Variants in PTCD3 observed in about 807,000 individuals in gnomAD.
The protein encoded by PTCD3 is small ribosomal subunit protein mS39.
PTCD3 carries 89 observed loss-of-function variants against 101.9 expected under a neutral mutation model. The ratio of observed to expected loss-of-function variants is 0.87; its 90% CI spans 0.74 to 1.04. The LOEUF (loss-of-function observed/expected upper bound fraction) is 1.04. Ranked by LOEUF, PTCD3 falls within the 50% of genes least tolerant of loss-of-function variation. The pLI, the probability that PTCD3 is intolerant of heterozygous loss-of-function variation, is 0.00. For missense variants in PTCD3, 870 were observed against 828.2 expected, an observed-to-expected ratio of 1.05 and a Z score of -0.62; for synonymous variants, 296 against 278.5, an observed-to-expected ratio of 1.06 and a Z score of -0.63.
chr2:86,107,073 G>A (rs1047342408), intron 1 of PTCD3: 9 of 469,230 alleles, frequency 1.9e-5, no homozygotes, highest in African/African-American at 1.0e-4. Context: ...AGGTATAAGT[G>A]GGGTATGTAA....
chr2:86,107,395 C>A (rs1673978414), intron 1 of PTCD3, among the ~76,000 whole-genome samples: 1 of 152,152 alleles, frequency 6.6e-6, no homozygotes, highest in Non-Finnish European at 1.5e-5. Flanking sequence ...GAGGGGTATT[C>A]TTGTTTTAAA....
At chr2:86,118,874 C>G (rs750683293) in intron 6 of PTCD3, 47 bp from the exon 7 acceptor site, 8 of 1,583,174 alleles carry the variant, frequency 5.1e-6, no homozygotes, top group Non-Finnish European at 6.0e-6. Flanking sequence ...TTATCCTTCC[C>G]TCACCTTTAC....
At chr2:86,131,138 C>G in intron 16 of PTCD3, 32 bp downstream of exon 16, 1 of 1,540,186 alleles carries the variant, frequency 6.5e-7, no homozygotes. Flanking sequence ...ATTTGCTATC[C>G]ATTTCCTAAA....
chr2:86,111,158 G>C lies in PTCD3; in HGVS notation c.240G>C (p.Arg80Ser). Reference sequence around the variant, plus strand: ...AGGCACTTGCATCCACAGTAAACAGGGTAAGTAGGATTTTGTGTTTTTTTT... The same window carrying C: ...AGGCACTTGCATCCACAGTAAACAGCGTAAGTAGGATTTTGTGTTTTTTTT... The part of the protein sequence containing the change: ...VLQALASTVN[R>S]DTTAVPYVFQ... The change falls in exon 4 of 24, where the codon AGG (arginine) becomes AGC (serine). Residue 80 changes from arginine to serine, a missense_variant and splice_region_variant. Physicochemically the swap from Arg to Ser is moderately radical, Grantham distance 110. Coordinates refer to ENST00000254630, the MANE Select transcript of PTCD3 (RefSeq NM_017952.6). The C allele has an allele frequency of 6.2e-7, 1 of 1,612,312 alleles. No individual in the cohort carries two copies. Among genetic ancestry groups the C allele is most frequent in the South Asian group, 1.1e-5 (1 of 90,792 alleles).
chr2:86,107,296 A>C, intron 1 of PTCD3: 1 of 460,360 alleles, frequency 2.2e-6, no homozygotes, highest in Non-Finnish European at 4.5e-6. Context: ...TCTCTGTTTT[A>C]AGGTCATGAG....
At chr2:86,109,405 T>TG (rs1300124276) in intron 3 of PTCD3, among the ~76,000 whole-genome samples, 1 of 55,060 alleles carries the variant, frequency 1.8e-5, no homozygotes, top group Non-Finnish European at 5.3e-5. Context: ...AGACTCCATC[T>TG]CAAAAAAAAA....
intron 3 of PTCD3, among the ~76,000 whole-genome samples, chr2:86,109,102 A>T (rs57817729): frequency 6.6e-6 from 1 of 151,752 alleles, no homozygotes; most frequent in Non-Finnish European, 1.5e-5. Context: ...TCTTAAAATT[A>T]TGTGACCTAA....
chr2:86,125,243 G>A (rs1350528993), intron 10 of PTCD3, among the ~76,000 whole-genome samples, 161 bp downstream of exon 10: 1 of 152,176 alleles, frequency 6.6e-6, no homozygotes, highest in Admixed American at 6.5e-5. Flanking sequence ...GATGTGAGTA[G>A]TGTACTCCTC....
In PTCD3 at chr2:86,110,589, C is replaced by T. The variant is rs137947780; in HGVS notation, c.195-524C>T. Reference sequence around the variant, plus strand: ...AGCTGGCCTGCAATTCTTACCATAACGTTATATATGGTTGAGAGGTTCTAA... The same window carrying T: ...AGCTGGCCTGCAATTCTTACCATAATGTTATATATGGTTGAGAGGTTCTAA... On this transcript the variant is annotated intron_variant, in intron 3 of 23. Coordinates refer to ENST00000254630, the MANE Select transcript of PTCD3 (RefSeq NM_017952.6). 2.1e-3 allele frequency among the ~76,000 whole-genome samples: 324 copies of T among 152,218 alleles called. 1 individual carries two copies. Among genetic ancestry groups the T allele is most frequent in the African/African-American group, 6.9e-3 (286 of 41,516 alleles).
chr2:86,136,448 G>C, intron 21 of PTCD3, 73 bp from the exon 22 acceptor site: 1 of 1,414,442 alleles, frequency 7.1e-7, no homozygotes, highest in South Asian at 1.2e-5. Context: ...TGATTTCAGA[G>C]AGAAGACAGC....
Position 86,140,919 on chromosome 2 carries a change from AAAACC to A in PTCD3, c.*3364_*3368del, listed in dbSNP as rs1674674127. ...AAACCCATCTCAAAAAAAAAAAAAA[AAAACC>A]AAAAAAACTGTCCAGCTGTGGACTT... On this transcript the variant is annotated 3_prime_UTR_variant, in exon 24 of 24. Coordinates refer to ENST00000254630, the MANE Select transcript of PTCD3 (RefSeq NM_017952.6). 7.1e-6 allele frequency: 1 copy of A among 141,048 alleles called. No homozygotes were observed. The allele number at this position is 141,048 out of a possible 1,614,324, so 8.7% of individuals were successfully genotyped here.
rs1357796635 is a variant in PTCD3 at position 86,132,546 on chromosome 2, A to G, written c.1373+122A>G. 1.3e-5 allele frequency: 8 copies of G among 615,090 alleles called. No homozygotes were observed. The Admixed American group carries it at 1.8e-4, about 14-fold the overall frequency. 38.1% of individuals were successfully genotyped at this position (615,090 alleles called of 1,614,324 possible). A position where few individuals can be genotyped will look rare whatever the true frequency, so the allele number is the denominator to read the frequency against. ...CAACATGCCAATGATCTAATAGGACATGTTAATTGAGCACTTAGGAATTAA... is the reference window on the plus strand; with the variant it reads ...CAACATGCCAATGATCTAATAGGACGTGTTAATTGAGCACTTAGGAATTAA... On this transcript the variant is annotated intron_variant, in intron 17 of 23. Transcript: ENST00000254630.
chr2:86,114,832 A>G (rs577686170), intron 4 of PTCD3, among the ~76,000 whole-genome samples: 1 of 152,328 alleles, frequency 6.6e-6, no homozygotes, highest in South Asian at 2.1e-4. Flanking sequence ...GAAAAGGCTC[A>G]TTGGATAAAG....
chr2:86,136,932 GT>G, intron 22 of PTCD3, 49 bp from the exon 23 acceptor site: 1 of 1,605,100 alleles, frequency 6.2e-7, no homozygotes, highest in Non-Finnish European at 8.5e-7. Context: ...GCCTATAAAT[GT>G]TTTACTGAAG....
At chr2:86,132,596 G>A (rs1674512425) in intron 17 of PTCD3, 172 bp downstream of exon 17, 2 of 375,724 alleles carry the variant, frequency 5.3e-6, no homozygotes, top group Non-Finnish European at 9.6e-6. Context: ...TGCCAGATTT[G>A]AAAGACTAGT....
chr2:86,137,469 G>C lies in PTCD3; in HGVS notation c.1980G>C (p.Lys660Asn), dbSNP rs966711291. ...ATCCTCCATTTTCTTTTCTTAACAG[G>C]GAAGCCCTAAGTAATCTAACTGCAT... is the stretch of plus-strand genomic sequence containing the variant. ...MSDFAINQEQKEALSNLTALT... is the reference protein window; with the variant it reads ...MSDFAINQEQNEALSNLTALT... Residue 660 changes from lysine (K) to asparagine (N), a missense_variant and splice_region_variant, in exon 24 of 24, where the codon AAG (lysine) becomes AAC (asparagine). Transcript: ENST00000254630. 6 of 1,613,126 alleles carry C rather than the reference G, an allele frequency of 3.7e-6. No individual in the cohort carries two copies. The highest frequency in any genetic ancestry group is 5.1e-6 in the Non-Finnish European group (6 of 1,179,834).
intron 14 of PTCD3, among the ~76,000 whole-genome samples, chr2:86,129,316 G>C (rs1372735497): frequency 1.3e-5 from 2 of 152,290 alleles, no homozygotes; most frequent in Admixed American, 6.5e-5. Flanking sequence ...GGGGATGGGG[G>C]TTCTGGGGGA....
At chr2:86,137,190 A>G (rs758447727) in intron 23 of PTCD3, 50 bp downstream of exon 23, 11 of 1,504,674 alleles carry the variant, frequency 7.3e-6, no homozygotes, top group East Asian at 6.8e-5. Flanking sequence ...CCTTTCATCC[A>G]TCTGCCCATT....
intron 4 of PTCD3, among the ~76,000 whole-genome samples, chr2:86,114,882 C>T (rs1674152054): frequency 6.6e-6 from 1 of 152,174 alleles, no homozygotes; most frequent in African/African-American, 2.4e-5. Flanking sequence ...AAGACCTCTC[C>T]AGAAGATTCA....
Sources: gnomAD v4.1 joint callset for allele counts (sites outside exome capture counted in the v4.1 genomes callset) on GRCh38, gnomAD v4.1.1 for gene constraint, MANE v1.5 for transcripts, NCBI Gene and HGNC (gene_info 2026-07-23, HGNC 2026-07-21) for gene names.